PDE10A: variants seen among roughly 807,000 people sequenced by gnomAD.
PDE10A encodes cAMP and cAMP-inhibited cGMP 3',5'-cyclic phosphodiesterase 10A.
PDE10A carries 39 observed loss-of-function variants against 97.7 expected under a neutral mutation model. The ratio of observed to expected loss-of-function variants is 0.40; its 90% CI spans 0.31 to 0.52. The LOEUF is 0.52. Ranked by LOEUF, PDE10A falls within the 20% of genes least tolerant of loss-of-function variation. The probability of loss-of-function intolerance (pLI) is 0.56; values close to 1 mark genes in which losing one functional copy is unlikely to be tolerated. For missense variants in PDE10A, 731 were observed against 1,047.8 expected (o/e 0.70, Z 4.17); for synonymous variants, 371 against 376.8 (o/e 0.98, Z 0.18).
At chr6:165,628,025 T>C (rs781628707) in intron 1 of PDE10A, among the ~76,000 whole-genome samples, 1 of 152,194 alleles carries the variant, frequency 6.6e-6, no homozygotes, top group Non-Finnish European at 1.5e-5. Context: ...CCAGGGTACA[T>C]CAGGATGACA....
intron 1 of PDE10A, among the ~76,000 whole-genome samples, chr6:165,822,153 C>A (rs377213728): frequency 1.3e-5 from 2 of 151,926 alleles, no homozygotes; most frequent in African/African-American, 4.8e-5. Flanking sequence ...TGTCCTTTGG[C>A]GGTTGTATCC....
At chr6:165,852,937 G>A (rs1780612844) in intron 1 of PDE10A, among the ~76,000 whole-genome samples, 1 of 152,246 alleles carries the variant, frequency 6.6e-6, no homozygotes, top group South Asian at 2.1e-4. Flanking sequence ...GATCTGGTTT[G>A]TTCTCTGCAC....
intron 2 of PDE10A, among the ~76,000 whole-genome samples, chr6:165,503,906 G>A (rs772318093): frequency 7.9e-5 from 12 of 152,096 alleles, no homozygotes; most frequent in Non-Finnish European, 1.2e-4. Flanking sequence ...ATAAGATTAC[G>A]TAATAAATTA....
chr6:165,346,765 C>A (rs987222909), intron 18 of PDE10A, among the ~76,000 whole-genome samples: 2 of 152,150 alleles, frequency 1.3e-5, no homozygotes, highest in Non-Finnish European at 2.9e-5. Context: ...CAAGGATATA[C>A]TATTTTGTTG....
intron 1 of PDE10A, among the ~76,000 whole-genome samples, chr6:165,731,494 G>A (rs1792435979): frequency 6.6e-6 from 1 of 152,182 alleles, no homozygotes; most frequent in South Asian, 2.1e-4. Context: ...CACGTTGGAG[G>A]AACGAGAGGT....
At chr6:165,360,947 G>A (rs1469155866) in intron 18 of PDE10A, among the ~76,000 whole-genome samples, 1 of 152,066 alleles carries the variant, frequency 6.6e-6, no homozygotes, top group Non-Finnish European at 1.5e-5. Flanking sequence ...CATTACTTAA[G>A]GGAAAAAGAC....
intron 1 of PDE10A, among the ~76,000 whole-genome samples, chr6:165,924,848 C>A (rs886162404): frequency 6.6e-6 from 1 of 152,098 alleles, no homozygotes; most frequent in African/African-American, 2.4e-5. Context: ...ATCTTTGGGA[C>A]CTAGGGCCAG....
chr6:165,587,135 C>T (rs1328376), intron 1 of PDE10A, among the ~76,000 whole-genome samples: 3 of 151,962 alleles, frequency 2.0e-5, no homozygotes, highest in South Asian at 4.2e-4. Flanking sequence ...GAGTTTCTGA[C>T]GGGCAGAGAT....
chr6:165,413,686 C>G lies in PDE10A; in HGVS notation c.1891G>C (p.Glu631Gln). ...GTGTAGCCTGTGTACAAGTCTACTT[C>G]TCTGTGGGGTGACAGAACCAAAAAT... is the stretch of plus-strand genomic sequence containing the variant. ...DAYADPRFNR[E>Q]VDLYTGYTTR... The change falls in exon 13 of 22, where the codon GAA becomes CAA. Residue 631 changes from glutamate (E) to glutamine (Q), a missense_variant and splice_region_variant. Around this residue, in one of 8 missense-constraint regions of PDE10A, gnomAD observed 108 missense variants for 199.8 expected, o/e 0.54. Coordinates refer to ENST00000539869, the MANE Select transcript of PDE10A (RefSeq NM_001385079.1). 1.2e-6 allele frequency: 2 copies of G among 1,608,120 alleles called. No individual in the cohort carries two copies. Among genetic ancestry groups the G allele is most frequent in the Non-Finnish European group, 1.7e-6 (2 of 1,176,606 alleles).
chr6:165,601,512 T>C (rs1786947862), intron 1 of PDE10A, among the ~76,000 whole-genome samples: 1 of 152,192 alleles, frequency 6.6e-6, no homozygotes, highest in South Asian at 2.1e-4. Context: ...GGTAGAGAAA[T>C]GAAAGAATTG....
chr6:165,413,390 G>A (rs1220084482), intron 13 of PDE10A, 111 bp downstream of exon 13: 2 of 643,570 alleles, frequency 3.1e-6, no homozygotes, highest in Non-Finnish European at 5.0e-6. Context: ...ACTTTTCCTG[G>A]TTTGTAAAGG....
At chr6:165,372,577 G>A (rs1178064851) in intron 18 of PDE10A, among the ~76,000 whole-genome samples, 2 of 150,724 alleles carry the variant, frequency 1.3e-5, no homozygotes, top group African/African-American at 4.9e-5. Context: ...TGAAATAAAA[G>A]AGGATACACA....
At chr6:165,686,706 C>G (rs911417092) in intron 1 of PDE10A, among the ~76,000 whole-genome samples, 1 of 152,200 alleles carries the variant, frequency 6.6e-6, no homozygotes, top group African/African-American at 2.4e-5. Context: ...TTATAAAACC[C>G]TCAGAGAGTG....
intron 1 of PDE10A, among the ~76,000 whole-genome samples, chr6:165,907,393 C>T (rs745730794): frequency 6.6e-6 from 1 of 152,264 alleles, no homozygotes; most frequent in Non-Finnish European, 1.5e-5. Context: ...TCTGAAAGAG[C>T]AGCTGCCCTT....
chr6:165,645,853 C>CAAA (rs57923490), intron 1 of PDE10A, among the ~76,000 whole-genome samples: 7 of 101,254 alleles, frequency 6.9e-5, no homozygotes, highest in East Asian at 2.7e-4. Flanking sequence ...GACTCCATCT[C>CAAA]AAAAAAAAAA....
At chr6:165,857,643 G>A (rs1467615857) in intron 1 of PDE10A, among the ~76,000 whole-genome samples, 2 of 151,996 alleles carry the variant, frequency 1.3e-5, no homozygotes, top group East Asian at 3.9e-4. Context: ...TTTGAAAGGA[G>A]GTTGTCCTCC....
intron 18 of PDE10A, among the ~76,000 whole-genome samples, chr6:165,374,681 G>A (rs967801932): frequency 1.5e-4 from 23 of 151,636 alleles, no homozygotes; most frequent in Admixed American, 2.6e-4. Flanking sequence ...ATAAATTGAC[G>A]GCAATATATG....
At chr6:165,414,222 G>A (rs1238269553) in intron 12 of PDE10A, among the ~76,000 whole-genome samples, 1 of 152,136 alleles carries the variant, frequency 6.6e-6, no homozygotes, top group Non-Finnish European at 1.5e-5. Context: ...TTCACATATT[G>A]TCTGATTCTG....
chr6:165,915,738 A>G (rs1782588333), intron 1 of PDE10A, among the ~76,000 whole-genome samples: 1 of 152,200 alleles, frequency 6.6e-6, no homozygotes, highest in South Asian at 2.1e-4. Context: ...TTGCTTTCCA[A>G]AGAGCCAAAG....
Sources: gnomAD v4.1 joint callset for allele counts (sites outside exome capture counted in the v4.1 genomes callset) on GRCh38, gnomAD v4.1.1 for gene constraint, gnomAD v4.1.1 regional missense constraint, MANE v1.5 for transcripts, NCBI Gene and HGNC (gene_info 2026-07-23, HGNC 2026-07-21) for gene names.